Variants in KALRN observed in about 807,000 individuals in gnomAD.
The protein encoded by KALRN is kalirin RhoGEF kinase.
A neutral mutation model predicts 353.7 loss-of-function variants in KALRN; 70 were observed. The ratio of observed to expected loss-of-function variants is 0.20; its 90% CI spans 0.16 to 0.24. KALRN has a LOEUF of 0.24. Among genes scored for constraint, KALRN ranks in the 10% least tolerant of loss-of-function variants. The pLI is 1.00. For missense variants in KALRN, 2,791 were observed against 3,756.7 expected (o/e 0.74, Z 6.72); for synonymous variants, 1,391 against 1,434.8 (o/e 0.97, Z 0.69).
chr3:124,242,576 A>T (rs1251882505), intron 3 of KALRN, among the ~76,000 whole-genome samples: 1 of 152,186 alleles, frequency 6.6e-6, no homozygotes, highest in African/African-American at 2.4e-5. Context: ...GGGACAATGG[A>T]AGAGGGCGGT....
intron 12 of KALRN, among the ~76,000 whole-genome samples, chr3:124,398,096 T>C (rs1268327341): frequency 6.6e-6 from 1 of 152,192 alleles, no homozygotes; most frequent in African/African-American, 2.4e-5. Flanking sequence ...TAATTCAGGT[T>C]TGCAGGCTCC....
intron 34 of KALRN, among the ~76,000 whole-genome samples, chr3:124,590,082 A>C (rs2149349856): frequency 6.6e-6 from 1 of 152,216 alleles, no homozygotes; most frequent in South Asian, 2.1e-4. Context: ...TCAACCTGGG[A>C]AGAAGTAGCA....
chr3:124,119,469 C>A (rs1477270820), intron 1 of KALRN, among the ~76,000 whole-genome samples: 1 of 152,146 alleles, frequency 6.6e-6, no homozygotes, highest in Non-Finnish European at 1.5e-5. Flanking sequence ...TCTGTTATTT[C>A]TCTGAATCTC....
chr3:124,348,236 C>G (rs931699035), intron 10 of KALRN, among the ~76,000 whole-genome samples: 7 of 152,200 alleles, frequency 4.6e-5, no homozygotes, highest in African/African-American at 9.6e-5. Flanking sequence ...TTTGCCATAT[C>G]ACTGCTTTAG....
At chr3:124,084,297 G>A (rs184516565) in intron 1 of KALRN, among the ~76,000 whole-genome samples, 1 of 152,288 alleles carries the variant, frequency 6.6e-6, no homozygotes. Flanking sequence ...TAGTGCACAG[G>A]TGTTGTGCAG....
intron 37 of KALRN, among the ~76,000 whole-genome samples, chr3:124,639,496 T>C (rs2081771632): frequency 6.6e-6 from 1 of 152,346 alleles, no homozygotes; most frequent in East Asian, 1.9e-4. Flanking sequence ...GAACACTTGT[T>C]TCCAGAGTCT....
At chr3:124,053,661 C>A (rs1360138858) in intron 1 of KALRN, among the ~76,000 whole-genome samples, 2 of 152,180 alleles carry the variant, frequency 1.3e-5, no homozygotes, top group Non-Finnish European at 2.9e-5. Context: ...CAGTTATATA[C>A]TCAGACAACT....
intron 1 of KALRN, among the ~76,000 whole-genome samples, chr3:124,067,422 A>G (rs1241899027): frequency 1.3e-5 from 2 of 152,038 alleles, no homozygotes; most frequent in East Asian, 3.9e-4. Context: ...TGGAACTGGA[A>G]GCTCACAGCC....
In KALRN at chr3:124,398,867, T is replaced by A. The variant is rs1341508925; in HGVS notation, c.2342T>A (p.Ile781Asn). 6.2e-7 allele frequency: 1 copy of A among 1,604,442 alleles called. No homozygotes were observed. Among genetic ancestry groups the A allele is most frequent in the South Asian group, 1.1e-5 (1 of 89,344 alleles). Residue 781 changes from isoleucine (I) to asparagine (N), a missense_variant, in exon 13 of 60, where the codon ATC (isoleucine) becomes AAC (asparagine). This residue lies in a region of KALRN where 452 missense variants were observed against 575.8 expected (regional missense o/e 0.78). Transcript: ENST00000682506. The part of the protein sequence containing the change: ...LQLRIFEQYT[I>N]EVTAELDAWN... The stretch of plus-strand genomic sequence containing the variant: ...CTGCGCATCTTTGAGCAGTACACCA[T>A]CGAGGTAGCAGGGGGCCAGGAGGGG...
chr3:124,309,087 T>A (rs1580784260), intron 6 of KALRN, among the ~76,000 whole-genome samples: 1 of 152,120 alleles, frequency 6.6e-6, no homozygotes, highest in African/African-American at 2.4e-5. Flanking sequence ...CAACTGATAC[T>A]GATTCAAGAA....
intron 26 of KALRN, among the ~76,000 whole-genome samples, chr3:124,475,592 G>T (rs541106019): frequency 4.6e-5 from 7 of 152,280 alleles, no homozygotes; most frequent in Non-Finnish European, 8.8e-5. Context: ...GCCTTTCAAA[G>T]TGTCTTCATG....
chr3:124,640,523 A>G (rs1015555703), intron 37 of KALRN, among the ~76,000 whole-genome samples: 2 of 151,976 alleles, frequency 1.3e-5, no homozygotes, highest in Non-Finnish European at 2.9e-5. Flanking sequence ...AACCACAGTA[A>G]TCCACCCACC....
In KALRN at chr3:124,093,097, G is replaced by A. The variant is rs765989354; in HGVS notation, c.73+59284G>A. 5.1e-4 allele frequency among the ~76,000 whole-genome samples: 78 copies of A among 152,304 alleles called. 3 individuals carry two copies. The highest frequency in any genetic ancestry group is 1.2e-3 in the Admixed American group (18 of 15,312). ...AAGAAGAAACCACAAGGCAGTTGGG[G>A]GGCAGGGGCAGGCGGTGGAGGTTGT... On this transcript the variant is annotated intron_variant, in intron 1 of 59. Transcript: ENST00000682506.
intron 1 of KALRN, among the ~76,000 whole-genome samples, chr3:124,035,503 C>A (rs2039334546): frequency 1.3e-5 from 2 of 152,256 alleles, no homozygotes. Context: ...GCCTTCCCAC[C>A]TTCCCTTTCT....
chr3:124,422,478 T>C (rs2092824398), intron 14 of KALRN, among the ~76,000 whole-genome samples: 1 of 152,194 alleles, frequency 6.6e-6, no homozygotes, highest in South Asian at 2.1e-4. Flanking sequence ...TTTGTGAATA[T>C]TCTGGGTGTT....
At chr3:124,411,614 T>A (rs1279567318) in intron 13 of KALRN, among the ~76,000 whole-genome samples, 1 of 151,720 alleles carries the variant, frequency 6.6e-6, no homozygotes, top group African/African-American at 2.4e-5. Context: ...GCTAATGTAT[T>A]ATTATTTGCT....
chr3:124,498,071 G>A (rs2064073247), intron 33 of KALRN, among the ~76,000 whole-genome samples: 1 of 152,192 alleles, frequency 6.6e-6, no homozygotes. Flanking sequence ...GAGAAACTAA[G>A]TGAGTCACCC....
At chr3:124,373,204 G>A (rs116753410) in intron 10 of KALRN, among the ~76,000 whole-genome samples, 2,345 of 152,252 alleles carry the variant, frequency 0.015, 39 homozygotes, top group African/African-American at 0.044. Context: ...AAGGTTGTAT[G>A]ATCTTTCTCA....
chr3:124,706,649 A>C (rs1006626562), intron 57 of KALRN, among the ~76,000 whole-genome samples: 4 of 151,132 alleles, frequency 2.6e-5, no homozygotes, highest in African/African-American at 9.7e-5. Flanking sequence ...GGCTCACTGC[A>C]ACATCTACCT....
Sources: gnomAD v4.1 joint callset for allele counts (sites outside exome capture counted in the v4.1 genomes callset) on GRCh38, gnomAD v4.1.1 for gene constraint, gnomAD v4.1.1 regional missense constraint, MANE v1.5 for transcripts, NCBI Gene and HGNC (gene_info 2026-07-23, HGNC 2026-07-21) for gene names.